The following HEMK1 variants were observed in gnomAD, a reference collection of about 807,000 sequenced individuals.
HEMK1 encodes the protein MTRF1L release factor glutamine methyltransferase.
A neutral mutation model predicts 47.9 loss-of-function variants in HEMK1; 36 were observed. The ratio of observed to expected loss-of-function variants is 0.75; its 90% CI spans 0.58 to 0.99. The LOEUF (loss-of-function observed/expected upper bound fraction) is 0.99. HEMK1 is among the 50% of genes least tolerant of loss of function. The pLI, the probability that HEMK1 is intolerant of heterozygous loss-of-function variation, is 0.00. For synonymous variants in HEMK1, 153 were observed against 165.4 expected (o/e 0.93, Z 0.57); for missense variants, 383 against 434.5 (o/e 0.88, Z 1.05).
rs2031561860 is a variant in HEMK1 at position 50,588,853 on chromosome 3, G to T, written c.*8436G>T. On this transcript the variant is annotated 3_prime_UTR_variant, in exon 11 of 11. Transcript: ENST00000232854. ...ATGTGTCTAAAAACCCTTGTTGAAG[G>T]CACTCCACAGCTCAATAACTGACCA... The T allele has an allele frequency of 6.6e-6, 1 of 152,160 alleles. No individual in the cohort carries two copies. Among genetic ancestry groups the T allele is most frequent in the African/African-American group, 2.4e-5 (1 of 41,430 alleles). The allele number at this position is 152,160 out of a possible 1,614,324, so 9.4% of individuals were successfully genotyped here. A position where few individuals can be genotyped will look rare whatever the true frequency, so the allele number is the denominator to read the frequency against.
At chr3:50,578,791 C>A in intron 7 of HEMK1, 30 bp from the exon 8 acceptor site, 1 of 1,478,210 alleles carries the variant, frequency 6.8e-7, no homozygotes, top group Non-Finnish European at 9.4e-7. Context: ...TGGGTTAGTC[C>A]CTACTGTGTG....
intron 4 of HEMK1, among the ~76,000 whole-genome samples, chr3:50,572,994 A>G (rs1232410798): frequency 1.3e-5 from 2 of 152,116 alleles, no homozygotes; most frequent in Non-Finnish European, 2.9e-5. Context: ...GCACACAAAC[A>G]TTTCTGGGAA....
Position 50,588,153 on chromosome 3 carries a change from T to C in HEMK1, c.*7736T>C, listed in dbSNP as rs1387747020. On this transcript the variant is annotated 3_prime_UTR_variant, in exon 11 of 11. Coordinates refer to ENST00000232854, the MANE Select transcript of HEMK1 (RefSeq NM_016173.5). ...CCAAAGGCAACCCTTGAGGTAGAGT[T>C]GTGAAGACCACTCTCCTAGACCTGA... 6.6e-6 allele frequency: 1 copy of C among 152,174 alleles called. No individual in the cohort carries two copies. The highest frequency in any genetic ancestry group is 1.5e-5 in the Non-Finnish European group (1 of 68,042). The allele number at this position is 152,174 out of a possible 1,614,324, so 9.4% of individuals were successfully genotyped here.
rs1180798083 is a variant in HEMK1 at position 50,589,351 on chromosome 3, T to C, written c.*8934T>C. Reference sequence around the variant, plus strand: ...GCACAAACCCTGTTCTCTGAGCACATAGGAAGGATTCTAATGTGTCATAAT... The same window carrying C: ...GCACAAACCCTGTTCTCTGAGCACACAGGAAGGATTCTAATGTGTCATAAT... On this transcript the variant is annotated 3_prime_UTR_variant, in exon 11 of 11. Transcript: ENST00000232854. 3 of 152,204 alleles carry C rather than the reference T, an allele frequency of 2.0e-5. No individual in the cohort carries two copies. The highest frequency in any genetic ancestry group is 1.9e-4 in the East Asian group (1 of 5,188). The allele number at this position is 152,204 out of a possible 1,614,324, so 9.4% of individuals were successfully genotyped here.
At chr3:50,576,563 C>T (rs1272462242) in intron 4 of HEMK1, among the ~76,000 whole-genome samples, 2 of 152,148 alleles carry the variant, frequency 1.3e-5, no homozygotes, top group African/African-American at 4.8e-5. Context: ...GCCACCATGC[C>T]CATGCCTGGC....
Position 50,580,202 on chromosome 3 carries a change from T to A in HEMK1, c.953T>A (p.Val318Glu). Residue 318 changes from valine to glutamate, a missense_variant, in exon 10 of 11, where the codon GTG becomes GAG. Coordinates refer to ENST00000232854, the MANE Select transcript of HEMK1 (RefSeq NM_016173.5). ...QSRPDLYLNL[V>E]AVRRDFCGRP... is the part of the protein sequence containing the mutation. ...CGGCCTGACCTGTACCTTAATCTTG[T>A]GGCTGTGCGCAGGGACTTCTGTGGG... 1 of 1,614,158 alleles carries A rather than the reference T, an allele frequency of 6.2e-7. No homozygotes were observed. The highest frequency in any genetic ancestry group is 8.5e-7 in the Non-Finnish European group (1 of 1,180,004).
chr3:50,590,331 A>C lies in HEMK1; in HGVS notation c.*9914A>C, dbSNP rs2031653788. ...AGCACTTTGGGAGGCTGAAGCAGGC[A>C]GATCACCCGAGCTCAGGAGTTCAAG... On this transcript the variant is annotated 3_prime_UTR_variant, in exon 11 of 11. Coordinates refer to ENST00000232854, the MANE Select transcript of HEMK1 (RefSeq NM_016173.5). The C allele has an allele frequency of 6.6e-6, 1 of 152,068 alleles. No homozygotes were observed. The highest frequency in any genetic ancestry group is 2.1e-4 in the South Asian group (1 of 4,828). The allele number at this position is 152,068 out of a possible 1,614,324, so 9.4% of individuals were successfully genotyped here.
chr3:50,572,010 A>G, intron 3 of HEMK1, 105 bp from the exon 4 acceptor site: 2 of 1,554,392 alleles, frequency 1.3e-6, no homozygotes, highest in South Asian at 1.2e-5. Context: ...CCCTGGAGAC[A>G]TGGTCTTGCC....
Position 50,585,894 on chromosome 3 carries a change from G to A in HEMK1, c.*5477G>A, listed in dbSNP as rs2107526962. The A allele has an allele frequency of 6.6e-6, 1 of 152,298 alleles. No individual in the cohort carries two copies. Among genetic ancestry groups the A allele is most frequent in the South Asian group, 2.1e-4 (1 of 4,830 alleles). 9.4% of individuals were successfully genotyped at this position (152,298 alleles called of 1,614,324 possible). On this transcript the variant is annotated 3_prime_UTR_variant, in exon 11 of 11. Coordinates refer to ENST00000232854, the MANE Select transcript of HEMK1 (RefSeq NM_016173.5). Reference sequence around the variant, plus strand: ...CTCTCATCTCCTATTGCTTCCAAAGGCCTGGGGTTAGTTAATTAAGTCAAT... The same window carrying A: ...CTCTCATCTCCTATTGCTTCCAAAGACCTGGGGTTAGTTAATTAAGTCAAT...
rs1407666766 is a variant in HEMK1, at chr3:50,586,624, C to T, written c.*6207C>T. 1.3e-5 allele frequency: 2 copies of T among 152,428 alleles called. No homozygotes were observed. Among genetic ancestry groups the T allele is most frequent in the Admixed American group, 1.3e-4 (2 of 15,302 alleles). 9.4% of individuals were successfully genotyped at this position (152,428 alleles called of 1,614,324 possible). Reference sequence around the variant, plus strand: ...CTGGGGAAATGGTGGGATCAGATATCCCCTACTGAGCCCAGGGAGCAGATT... The same window carrying T: ...CTGGGGAAATGGTGGGATCAGATATTCCCTACTGAGCCCAGGGAGCAGATT... On this transcript the variant is annotated 3_prime_UTR_variant, in exon 11 of 11. Transcript: ENST00000232854.
intron 3 of HEMK1, 74 bp downstream of exon 3, chr3:50,571,875 T>C: frequency 3.4e-6 from 5 of 1,482,308 alleles, no homozygotes; most frequent in Non-Finnish European, 4.7e-6. Context: ...CCCCACCAAG[T>C]TCAGGGAGGA....
chr3:50,580,026 C>A, intron 9 of HEMK1, 87 bp downstream of exon 9: 1 of 1,516,128 alleles, frequency 6.6e-7, no homozygotes, highest in Non-Finnish European at 9.2e-7. Flanking sequence ...CAGAGGTCAG[C>A]ACAGGACCCT....
rs1239838227 is a variant in HEMK1, at chr3:50,590,855, G to T, written c.*10438G>T. On this transcript the variant is annotated 3_prime_UTR_variant, in exon 11 of 11. Transcript: ENST00000232854. Reference sequence around the variant, plus strand: ...CCAGGCCCTTGGTGGTGCCTCCAAGGGTGGAAAGACTGGGGGACCCTGTGC... The same window carrying T: ...CCAGGCCCTTGGTGGTGCCTCCAAGTGTGGAAAGACTGGGGGACCCTGTGC... 2.0e-5 allele frequency: 3 copies of T among 152,170 alleles called. No individual in the cohort carries two copies. The highest frequency in any genetic ancestry group is 4.4e-5 in the Non-Finnish European group (3 of 68,034). 9.4% of individuals were successfully genotyped at this position (152,170 alleles called of 1,614,324 possible). A position where few individuals can be genotyped will look rare whatever the true frequency, so the allele number is the denominator to read the frequency against.
At chr3:50,577,993 A>AAC in intron 7 of HEMK1, 118 bp downstream of exon 7, 2 of 889,056 alleles carry the variant, frequency 2.2e-6, no homozygotes, top group Non-Finnish European at 3.8e-6. Flanking sequence ...AGCCACACAC[A>AAC]ACACACACAC....
At position 50,595,082 on chromosome 3, in the gene HEMK1, A is replaced by G. The variant is rs1360443228; in HGVS notation, c.*14665A>G. On this transcript the variant is annotated 3_prime_UTR_variant, in exon 11 of 11. Coordinates refer to ENST00000232854, the MANE Select transcript of HEMK1 (RefSeq NM_016173.5). The stretch of plus-strand genomic sequence containing the variant: ...CCCAGCTATTTTGTATTTTTAGTAG[A>G]AACAGGGTTTCACCATGTTGGCCAG... The G allele has an allele frequency of 6.6e-6, 1 of 152,120 alleles. No individual in the cohort carries two copies. Among genetic ancestry groups the G allele is most frequent in the Non-Finnish European group, 1.5e-5 (1 of 68,072 alleles). The allele number at this position is 152,120 out of a possible 1,614,324, so 9.4% of individuals were successfully genotyped here.
intron 4 of HEMK1, among the ~76,000 whole-genome samples, chr3:50,572,617 A>G (rs1269030770): frequency 6.6e-6 from 1 of 152,224 alleles, no homozygotes; most frequent in Non-Finnish European, 1.5e-5. Flanking sequence ...ACCTGGTATC[A>G]GCTGTGCAAC....
chr3:50,571,687 A>T, intron 2 of HEMK1, 23 bp from the exon 3 acceptor site: 1 of 1,612,028 alleles, frequency 6.2e-7, no homozygotes. Flanking sequence ...TGAGCCAGCC[A>T]CTTATATTCT....
chr3:50,577,306 A>T, intron 5 of HEMK1, 120 bp downstream of exon 5: 1 of 1,274,948 alleles, frequency 7.8e-7, no homozygotes. Context: ...ATGAGGGAGG[A>T]CAGGGCTGCC....
rs2031732691 is a variant in HEMK1 at position 50,591,694 on chromosome 3, G to T, written c.*11277G>T. On this transcript the variant is annotated 3_prime_UTR_variant, in exon 11 of 11. Transcript: ENST00000232854. ...TGTGTGTGTGTGTGTGTGTGTGTGTGTGTTTGTGTGTGTGTGGTGTTACTC... is the reference window on the plus strand; with the variant it reads ...TGTGTGTGTGTGTGTGTGTGTGTGTTTGTTTGTGTGTGTGTGGTGTTACTC... 1 of 152,818 alleles carries T rather than the reference G, an allele frequency of 6.5e-6. No homozygotes were observed. Among genetic ancestry groups the T allele is most frequent in the Non-Finnish European group, 1.4e-5 (1 of 69,064 alleles). The allele number at this position is 152,818 out of a possible 1,614,324, so 9.5% of individuals were successfully genotyped here. A position where few individuals can be genotyped will look rare whatever the true frequency, so the allele number is the denominator to read the frequency against.
Sources: gnomAD v4.1 joint callset for allele counts (sites outside exome capture counted in the v4.1 genomes callset) on GRCh38, gnomAD v4.1.1 for gene constraint, MANE v1.5 for transcripts, NCBI Gene and HGNC (gene_info 2026-07-23, HGNC 2026-07-21) for gene names.